The following TMEM175 variants were observed in gnomAD, a reference collection of about 807,000 sequenced individuals.
TMEM175 encodes transmembrane protein 175, also known as endosomal/lysosomal proton channel TMEM175.
Under a neutral mutation model 36.5 loss-of-function variants are expected in TMEM175, and 36 were observed. The observed-to-expected ratio is 0.99, with a 90% CI of 0.76 to 1.30. The LOEUF is 1.30. Among genes scored for constraint, TMEM175 ranks in the 50% most tolerant of loss-of-function variants. TMEM175 has a pLI of 0.00. For missense variants in TMEM175, 705 were observed against 692.8 expected (o/e 1.02, Z -0.20); for synonymous variants, 339 against 313.4 (o/e 1.08, Z -0.86).
intron 1 of TMEM175, among the ~76,000 whole-genome samples, chr4:938,489 G>A (rs1486549837): frequency 1.3e-5 from 2 of 152,024 alleles, no homozygotes; most frequent in African/African-American, 4.8e-5. Context: ...GGACAACAGA[G>A]TGAGACTCGG....
chr4:955,774 T>C lies in TMEM175; in HGVS notation c.726T>C (p.Ala242=), dbSNP rs1377432917. 6.2e-7 allele frequency: 1 copy of C among 1,613,406 alleles called. No individual in the cohort carries two copies. Among genetic ancestry groups the C allele is most frequent in the Admixed American group, 1.7e-5 (1 of 60,000 alleles). The change falls in exon 10 of 11, where the codon GCT becomes GCC. Residue 242 remains alanine, a synonymous_variant. Transcript: ENST00000264771. Reference sequence around the variant, plus strand: ...CCCCAGGCCACAGGGAGCCCTCGGCTCACCCAGTGGAAGTCTTCTCGTTTG... The same window carrying C: ...CCCCAGGCCACAGGGAGCCCTCGGCCCACCCAGTGGAAGTCTTCTCGTTTG... ...DRLLGHREPS[A]HPVEVFSFDL...
chr4:956,769 T>C (rs1471160463), intron 10 of TMEM175: 2 of 320,768 alleles, frequency 6.2e-6, no homozygotes, highest in Non-Finnish European at 6.0e-6. Context: ...TTTGCTTTTT[T>C]ACATCTTCCA....
chr4:953,764 C>T (rs1377490895), intron 8 of TMEM175, among the ~76,000 whole-genome samples: 1 of 152,260 alleles, frequency 6.6e-6, no homozygotes, highest in East Asian at 1.9e-4. Flanking sequence ...TGGCTCACCA[C>T]AGCCTCGACC....
chr4:948,310 G>A, intron 3 of TMEM175, 156 bp downstream of exon 3: 5 of 1,550,264 alleles, frequency 3.2e-6, no homozygotes, highest in Non-Finnish European at 4.3e-6. Flanking sequence ...GAAAGGGAGG[G>A]AGCCAACAAG....
chr4:934,297 A>G (rs746830822), intron 1 of TMEM175, among the ~76,000 whole-genome samples: 1 of 152,258 alleles, frequency 6.6e-6, no homozygotes, highest in Non-Finnish European at 1.5e-5. Flanking sequence ...GAGAATAGAC[A>G]GTTTGTGGAG....
Position 958,113 on chromosome 4 carries a change from G to A in TMEM175, c.1132G>A (p.Val378Ile). 1 of 1,604,184 alleles carries A rather than the reference G, an allele frequency of 6.2e-7. No homozygotes were observed. Among genetic ancestry groups the A allele is most frequent in the Non-Finnish European group, 8.5e-7 (1 of 1,179,810 alleles). ...QPRDELERVR[V>I]SCTIIFLASI... ...CCGCGATGAGCTGGAGCGCGTGCGT[G>A]TCAGCTGCACCATCATCTTCCTGGC... The change falls in exon 11 of 11, where the codon GTC becomes ATC. Residue 378 changes from valine (V) to isoleucine (I), a missense_variant. Physicochemically the swap from Val to Ile is conservative, Grantham distance 29. Coordinates refer to ENST00000264771, the MANE Select transcript of TMEM175 (RefSeq NM_032326.4).
chr4:956,909 G>T, intron 10 of TMEM175: 1 of 161,416 alleles, frequency 6.2e-6, no homozygotes, highest in Non-Finnish European at 1.3e-5. Context: ...CTCTGCTGTC[G>T]TGTGCATTTT....
At chr4:936,395 T>A (rs1439268014) in intron 1 of TMEM175, among the ~76,000 whole-genome samples, 2 of 150,242 alleles carry the variant, frequency 1.3e-5, no homozygotes, top group Non-Finnish European at 3.0e-5. Flanking sequence ...CAGAGTGGAA[T>A]TCAAAAAAAT....
In TMEM175 at chr4:952,425, G is replaced by A; in HGVS notation, c.437G>A (p.Cys146Tyr). 6.2e-7 allele frequency: 1 copy of A among 1,608,056 alleles called. No individual in the cohort carries two copies. Among genetic ancestry groups the A allele is most frequent in the South Asian group, 1.1e-5 (1 of 90,754 alleles). Residue 146 changes from cysteine to tyrosine, a missense_variant, in exon 7 of 11, where the codon TGT becomes TAT. Transcript: ENST00000264771. ...VPLGIFLFCV[C>Y]VIAIGVVQAL... The stretch of plus-strand genomic sequence containing the variant: ...CTGGGCATCTTCTTGTTCTGTGTGT[G>A]TGTGATCGCCATTGGGGTCGTGCAG...
intron 1 of TMEM175, among the ~76,000 whole-genome samples, chr4:936,418 C>CTATTTTTTGTTAGAATTCAAAAA (rs1402934895): frequency 6.6e-6 from 1 of 151,334 alleles, no homozygotes; most frequent in African/African-American, 2.4e-5. Flanking sequence ...ATAACAAAAG[C>CTATTTTTTGTTAGAATTCAAAAA]AATAGAGAAA....
intron 1 of TMEM175, among the ~76,000 whole-genome samples, chr4:934,469 G>T (rs1726577184): frequency 6.6e-6 from 1 of 151,692 alleles, no homozygotes; most frequent in Non-Finnish European, 1.5e-5. Flanking sequence ...ATTCACAAGG[G>T]ATCATTGGTG....
rs71166902 is a variant in TMEM175 at position 941,007 on chromosome 4, A to AAATAATAATAATAAT, written c.-31-6674_-31-6660dup. On this transcript the variant is annotated intron_variant, in intron 1 of 10. Transcript: ENST00000264771. ...GGTGACAGAGTGAGACTCCGTCTCAAAATAATAATAATAATAATAATAATA... is the reference window on the plus strand; with the variant it reads ...GGTGACAGAGTGAGACTCCGTCTCAAAATAATAATAATAATAATAATAATAATAATAATAATAATA... 4.1e-3 allele frequency among the ~76,000 whole-genome samples: 546 copies of AAATAATAATAATAAT among 131,846 alleles called. 3 individuals are homozygous for AAATAATAATAATAAT. Among genetic ancestry groups the AAATAATAATAATAAT allele is most frequent in the Non-Finnish European group, 4.6e-3 (290 of 63,618 alleles). 86.5% of individuals were successfully genotyped at this position (131,846 alleles called of 152,430 possible).
At chr4:944,098 G>A (rs1419974851) in intron 1 of TMEM175, among the ~76,000 whole-genome samples, 1 of 152,194 alleles carries the variant, frequency 6.6e-6, no homozygotes, top group Non-Finnish European at 1.5e-5. Context: ...TTTGACACCA[G>A]CCTGGGAATC....
intron 1 of TMEM175, among the ~76,000 whole-genome samples, chr4:933,114 A>G (rs1467934906): frequency 3.3e-5 from 5 of 152,228 alleles, no homozygotes; most frequent in Non-Finnish European, 7.3e-5. Context: ...CTTATAGGAT[A>G]ATAAGGAAAT....
intron 1 of TMEM175, among the ~76,000 whole-genome samples, chr4:942,382 A>G (rs1263951602): frequency 6.6e-6 from 1 of 152,002 alleles, no homozygotes; most frequent in Non-Finnish European, 1.5e-5. Flanking sequence ...ATTCTTTTGC[A>G]TGTGGATATT....
At position 953,198 on chromosome 4, in the gene TMEM175, T is replaced by A. The variant is rs373669360; in HGVS notation, c.471T>A (p.Ile157=). The change falls in exon 8 of 11, where the codon ATT becomes ATA. Residue 157 remains isoleucine, a synonymous_variant. Transcript: ENST00000264771. ...VIAIGVVQAL[I]VGYAFHFPHL... ...GCTTGCTTTTCCCGCAGGCACTGAT[T>A]GTGGGGTACGCATTCCACTTCCCGC... 3 of 1,608,304 alleles carry A rather than the reference T, an allele frequency of 1.9e-6. 1 individual carries two copies. The highest frequency in any genetic ancestry group is 2.6e-6 in the Non-Finnish European group (3 of 1,176,424).
intron 1 of TMEM175, among the ~76,000 whole-genome samples, chr4:943,451 C>T (rs1393856246): frequency 6.6e-6 from 1 of 152,166 alleles, no homozygotes; most frequent in Non-Finnish European, 1.5e-5. Context: ...GGGGTTTCAC[C>T]ATGTTAGCCA....
Position 941,157 on chromosome 4 carries a change from T to C in TMEM175, c.-31-6552T>C, listed in dbSNP as rs193223670. Among the ~76,000 whole-genome samples, 1,475 of 149,746 alleles carry C rather than the reference T, an allele frequency of 9.9e-3. 20 individuals carry two copies. Among genetic ancestry groups the C allele is most frequent in the African/African-American group, 0.034 (1,391 of 40,916 alleles). On this transcript the variant is annotated intron_variant, in intron 1 of 10. Coordinates refer to ENST00000264771, the MANE Select transcript of TMEM175 (RefSeq NM_032326.4). ...CTTTGGGAGGCCAAGGTGGGCAGAT[T>C]ACGAGGTCAGGAGTTCAAGACCATC...
intron 1 of TMEM175, among the ~76,000 whole-genome samples, chr4:936,182 A>G (rs1478458542): frequency 6.6e-6 from 1 of 152,122 alleles, no homozygotes. Context: ...TAAAAATACA[A>G]AAATTAGCTG....
Sources: allele counts gnomAD v4.1 joint callset (sites outside exome capture counted in the v4.1 genomes callset), GRCh38; gene constraint gnomAD v4.1.1; transcripts MANE v1.5; gene names NCBI Gene and HGNC (gene_info 2026-07-23, HGNC 2026-07-21).